Variants in DOK6 observed in about 807,000 individuals in gnomAD.
DOK6 encodes the protein docking protein 6, also known as downstream of tyrosine kinase 6.
DOK6 carries 22 observed loss-of-function variants against 44.0 expected under a neutral mutation model. That is an observed-to-expected ratio of 0.50 (90% CI 0.36 to 0.71). The LOEUF (loss-of-function observed/expected upper bound fraction) is 0.71. Among genes scored for constraint, DOK6 ranks in the 30% least tolerant of loss-of-function variants. The pLI, the probability that DOK6 is intolerant of heterozygous loss-of-function variation, is 0.00. For synonymous variants in DOK6, 166 were observed against 145.5 expected (o/e 1.14, Z -1.01); for missense variants, 340 against 416.4 (o/e 0.82, Z 1.60).
At chr18:69,528,657 A>G (rs1981901822) in intron 1 of DOK6, among the ~76,000 whole-genome samples, 1 of 152,214 alleles carries the variant, frequency 6.6e-6, no homozygotes, top group Non-Finnish European at 1.5e-5. Flanking sequence ...GTTTAAATGT[A>G]AGGTTTAATA....
At chr18:69,751,924 G>T (rs1444673517) in intron 6 of DOK6, among the ~76,000 whole-genome samples, 1 of 151,952 alleles carries the variant, frequency 6.6e-6, no homozygotes, top group East Asian at 1.9e-4. Context: ...AGGAAATAAA[G>T]CTACAATTTA....
At chr18:69,600,945 A>T (rs1362838440) in intron 3 of DOK6, among the ~76,000 whole-genome samples, 1 of 152,172 alleles carries the variant, frequency 6.6e-6, no homozygotes, top group Non-Finnish European at 1.5e-5. Context: ...CTTGAATCCG[A>T]TATTACAGTA....
intron 1 of DOK6, among the ~76,000 whole-genome samples, chr18:69,494,469 C>G (rs1980824456): frequency 7.4e-6 from 1 of 134,324 alleles, no homozygotes; most frequent in African/African-American, 2.8e-5. Context: ...GAGTGAGATT[C>G]TGTCTCAAAA....
At chr18:69,663,691 C>A (rs187032868) in intron 3 of DOK6, among the ~76,000 whole-genome samples, 3 of 152,318 alleles carry the variant, frequency 2.0e-5, no homozygotes, top group Admixed American at 2.0e-4. Flanking sequence ...GCATTAACTA[C>A]AGTGGAGCTT....
At chr18:69,617,726 AAAAGGGGGAAGGAGGGAAGGAAG>A (rs1284575943) in intron 3 of DOK6, among the ~76,000 whole-genome samples, 55 of 115,570 alleles carry the variant, frequency 4.8e-4, no homozygotes, top group South Asian at 2.2e-3. Context: ...AAAGAAAGAA[AAAAGGGGGAAGGAGGGAAGGAAG>A]GAAGGAAAGA....
At chr18:69,582,355 T>C (rs1487444413) in intron 2 of DOK6, among the ~76,000 whole-genome samples, 3 of 152,240 alleles carry the variant, frequency 2.0e-5, no homozygotes, top group East Asian at 1.9e-4. Context: ...TTATGAAATA[T>C]GCCTAAATGC....
At chr18:69,617,993 AAG>A (rs1378431164) in intron 3 of DOK6, among the ~76,000 whole-genome samples, 1 of 152,154 alleles carries the variant, frequency 6.6e-6, no homozygotes, top group Non-Finnish European at 1.5e-5. Context: ...TTTGAGACAA[AAG>A]AGAGAAAGAT....
chr18:69,602,029 G>C (rs909794223), intron 3 of DOK6, among the ~76,000 whole-genome samples: 4 of 152,168 alleles, frequency 2.6e-5, no homozygotes, highest in African/African-American at 9.7e-5. Flanking sequence ...ACATAGGAGA[G>C]TATAGAAAAA....
At chr18:69,569,104 G>C (rs1235097180) in intron 2 of DOK6, among the ~76,000 whole-genome samples, 1 of 152,046 alleles carries the variant, frequency 6.6e-6, no homozygotes, top group African/African-American at 2.4e-5. Context: ...TGTCCCTGGT[G>C]CCAAACAGGT....
chr18:69,406,736 G>A lies in DOK6; in HGVS notation c.66+5426G>A, dbSNP rs180813357. Among the ~76,000 whole-genome samples the A allele has an allele frequency of 2.6e-5, 4 of 152,250 alleles. No individual in the cohort carries two copies. The South Asian group carries it at 6.2e-4, about 24-fold the overall frequency. Reference sequence around the variant, plus strand: ...GTTTCCTTAAATGTCTTTCAAACACGCACAGTAATGGTGAATATTTTGGAT... The same window carrying A: ...GTTTCCTTAAATGTCTTTCAAACACACACAGTAATGGTGAATATTTTGGAT... On this transcript the variant is annotated intron_variant, in intron 1 of 7. Transcript: ENST00000382713.
At chr18:69,663,009 T>G (rs768782304) in intron 3 of DOK6, 3 of 152,196 alleles carry the variant, frequency 2.0e-5, no homozygotes, top group African/African-American at 7.2e-5. Context: ...TCATGGAAAA[T>G]GTTTTGAATC....
At chr18:69,774,057 A>T (rs2852140) in intron 7 of DOK6, among the ~76,000 whole-genome samples, 1 of 141,916 alleles carries the variant, frequency 7.0e-6, no homozygotes, top group African/African-American at 2.5e-5. Flanking sequence ...TGAGATATAT[A>T]TATATAGATA....
chr18:69,752,436 G>A (rs984773011), intron 6 of DOK6, among the ~76,000 whole-genome samples: 3 of 152,070 alleles, frequency 2.0e-5, no homozygotes, highest in Non-Finnish European at 2.9e-5. Context: ...AAATTTTTTA[G>A]TTTTGAGATT....
At chr18:69,694,886 A>G (rs1202840934) in intron 4 of DOK6, among the ~76,000 whole-genome samples, 1 of 152,214 alleles carries the variant, frequency 6.6e-6, no homozygotes, top group Non-Finnish European at 1.5e-5. Context: ...GAATACACAT[A>G]TCTTGATAAA....
chr18:69,529,139 A>T lies in DOK6; in HGVS notation c.67-35348A>T, dbSNP rs112172415. Among the ~76,000 whole-genome samples, 505 of 152,326 alleles carry T rather than the reference A, an allele frequency of 3.3e-3. 2 individuals are homozygous for T. Among genetic ancestry groups the T allele is most frequent in the Admixed American group, 5.5e-3 (84 of 15,304 alleles). On this transcript the variant is annotated intron_variant, in intron 1 of 7. Coordinates refer to ENST00000382713, the MANE Select transcript of DOK6 (RefSeq NM_152721.6). The stretch of plus-strand genomic sequence containing the variant: ...TCACTACCTGCAACGAAAGGAAATT[A>T]TTTAGTTAATTAGGTAATTTACTGC...
chr18:69,644,563 C>T (rs1001330636), intron 3 of DOK6, among the ~76,000 whole-genome samples: 17 of 152,120 alleles, frequency 1.1e-4, no homozygotes, highest in Admixed American at 2.0e-4. Flanking sequence ...ATCATTAGGA[C>T]GTAATTGTGT....
intron 3 of DOK6, among the ~76,000 whole-genome samples, chr18:69,637,582 A>G (rs2144651514): frequency 6.6e-6 from 1 of 152,316 alleles, no homozygotes; most frequent in East Asian, 1.9e-4. Context: ...TTAGTGTTCA[A>G]AGAATTTTGG....
chr18:69,528,830 T>C (rs551792972), intron 1 of DOK6, among the ~76,000 whole-genome samples: 5 of 152,326 alleles, frequency 3.3e-5, no homozygotes, highest in Admixed American at 3.3e-4. Context: ...ACTGTGCTTA[T>C]GTTTTTACTG....
chr18:69,487,171 T>G (rs1980599437), intron 1 of DOK6, among the ~76,000 whole-genome samples: 2 of 139,828 alleles, frequency 1.4e-5, no homozygotes, highest in African/African-American at 5.4e-5. Flanking sequence ...TTGGCACTGA[T>G]AGGATATGTG....
Sources: allele counts gnomAD v4.1 joint callset (sites outside exome capture counted in the v4.1 genomes callset), GRCh38; gene constraint gnomAD v4.1.1; transcripts MANE v1.5; gene names NCBI Gene and HGNC (gene_info 2026-07-23, HGNC 2026-07-21).